Variants in KDM2A observed in about 807,000 individuals in gnomAD.
KDM2A encodes the protein lysine-specific demethylase 2A.
KDM2A carries 3 observed loss-of-function variants against 137.3 expected under a neutral mutation model. The ratio of observed to expected loss-of-function variants is 0.02; its 90% CI spans 0.01 to 0.06. KDM2A has a LOEUF of 0.06. Ranked by LOEUF, KDM2A falls within the 10% of genes least tolerant of loss-of-function variation. The probability of loss-of-function intolerance (pLI) is 1.00; values close to 1 mark genes in which losing one functional copy is unlikely to be tolerated. For missense variants in KDM2A, 738 were observed against 1,510.6 expected, an observed-to-expected ratio of 0.49 and a Z score of 8.48; for synonymous variants, 512 against 541.5, an observed-to-expected ratio of 0.95 and a Z score of 0.76.
In KDM2A at chr11:67,154,423, G is replaced by GTTTC. The variant is rs563643179; in HGVS notation, c.43-25636_43-25633dup. On this transcript the variant is annotated intron_variant, in intron 2 of 20. Coordinates refer to ENST00000529006, the MANE Select transcript of KDM2A (RefSeq NM_012308.3). ...CTCTATGGATTTACCTATTCTGGGTGTTTCTTTCTTTCTTTCTTTCTTTTT... is the reference window on the plus strand; with the variant it reads ...CTCTATGGATTTACCTATTCTGGGTGTTTCTTTCTTTCTTTCTTTCTTTCTTTTT... Among the ~76,000 whole-genome samples, 736 of 152,048 alleles carry GTTTC rather than the reference G, an allele frequency of 4.8e-3. 3 individuals are homozygous for GTTTC. The highest frequency in any genetic ancestry group is 0.015 in the African/African-American group (641 of 41,492).
chr11:67,140,927 A>G (rs1183488430), intron 2 of KDM2A, among the ~76,000 whole-genome samples: 1 of 152,184 alleles, frequency 6.6e-6, no homozygotes, highest in Non-Finnish European at 1.5e-5. Flanking sequence ...TTTATTAGGT[A>G]GAACTAGTTT....
chr11:67,253,351 C>G (rs1197207006), intron 18 of KDM2A, 102 bp from the exon 19 acceptor site: 7 of 994,184 alleles, frequency 7.0e-6, no homozygotes, highest in Non-Finnish European at 9.2e-6. Flanking sequence ...TAGTCCTTCT[C>G]TCCTATTAGA....
rs1859440265 is a variant in KDM2A at position 67,251,917 on chromosome 11, G to GT, written c.2769-773dup. On this transcript the variant is annotated intron_variant, in intron 17 of 20. Transcript: ENST00000529006. ...TAGGACTGCTTGGCTCTACCTCTTGGTTTTCAGGGCAAGGCACATCAGATT... is the reference window on the plus strand; with the variant it reads ...TAGGACTGCTTGGCTCTACCTCTTGGTTTTTCAGGGCAAGGCACATCAGATT... Among the ~76,000 whole-genome samples the GT allele has an allele frequency of 1.3e-5, 2 of 152,114 alleles. 1 individual carries two copies. Among genetic ancestry groups the GT allele is most frequent in the South Asian group, 4.1e-4 (2 of 4,830 alleles).
chr11:67,254,237 C>T lies in KDM2A; in HGVS notation c.3126C>T (p.Thr1042=), dbSNP rs765696393. Residue 1042 remains threonine (T), a synonymous_variant, in exon 20 of 21, where the codon ACC becomes ACT. Transcript: ENST00000529006. This position sits in a 1 kb window ranked among gnomAD's most constrained non-coding sequence, Gnocchi z 4.7. ...ATCGCAGCAAGCTCCGGAACATGAC[C>T]GACTTCCGGCTGGCAGGCCTTGACA... The part of the protein sequence containing the change: ...QDNRSKLRNM[T]DFRLAGLDIT... 28 of 1,614,012 alleles carry T rather than the reference C, an allele frequency of 1.7e-5. No individual in the cohort carries two copies. The highest frequency in any genetic ancestry group is 2.7e-5 in the African/African-American group (2 of 75,056).
intron 5 of KDM2A, among the ~76,000 whole-genome samples, chr11:67,197,790 G>A (rs929935419): frequency 6.6e-6 from 1 of 152,108 alleles, no homozygotes; most frequent in African/African-American, 2.4e-5. Flanking sequence ...ACAGTGTCTG[G>A]CATATACAGT....
chr11:67,233,433 C>T (rs1381145817), intron 12 of KDM2A, among the ~76,000 whole-genome samples: 1 of 138,086 alleles, frequency 7.2e-6, no homozygotes, highest in Non-Finnish European at 1.5e-5. Flanking sequence ...GCAGGTAGAT[C>T]ACGAGGTCAG....
chr11:67,130,656 CTCTT>C (rs1164131179), intron 2 of KDM2A, among the ~76,000 whole-genome samples: 2 of 152,164 alleles, frequency 1.3e-5, no homozygotes, highest in Non-Finnish European at 2.9e-5. Context: ...GTAACGGACA[CTCTT>C]AATTAGGTTT....
intron 5 of KDM2A, among the ~76,000 whole-genome samples, chr11:67,206,032 T>C (rs901482515): frequency 6.6e-6 from 1 of 152,234 alleles, no homozygotes; most frequent in African/African-American, 2.4e-5. Flanking sequence ...CTTTATCGAC[T>C]TTAAATCTTC....
At chr11:67,173,585 T>G (rs949713155) in intron 2 of KDM2A, among the ~76,000 whole-genome samples, 1 of 150,910 alleles carries the variant, frequency 6.6e-6, no homozygotes, top group African/African-American at 2.4e-5. Flanking sequence ...AGAGACAGGT[T>G]TTGCCATGAA....
intron 2 of KDM2A, among the ~76,000 whole-genome samples, chr11:67,132,775 G>T (rs1056233394): frequency 2.0e-5 from 3 of 152,276 alleles, no homozygotes; most frequent in South Asian, 4.1e-4. Flanking sequence ...CATTAACTGA[G>T]TGTCTGGGAA....
intron 5 of KDM2A, among the ~76,000 whole-genome samples, chr11:67,193,049 C>T (rs1857394920): frequency 6.6e-6 from 1 of 151,816 alleles, no homozygotes; most frequent in East Asian, 1.9e-4. Context: ...GAGTGCAGTG[C>T]CGCGATCTCG....
chr11:67,238,510 C>T (rs576812831), intron 12 of KDM2A, among the ~76,000 whole-genome samples: 4 of 152,134 alleles, frequency 2.6e-5, no homozygotes, highest in African/African-American at 4.8e-5. Context: ...ATACAGTGTC[C>T]GGGAGAAGTT....
chr11:67,235,167 AGAAAG>A (rs1280890823), intron 12 of KDM2A, among the ~76,000 whole-genome samples: 1 of 151,640 alleles, frequency 6.6e-6, no homozygotes, highest in Admixed American at 6.6e-5. Flanking sequence ...AAAAGAAAAA[AGAAAG>A]GAAGTATTGC....
intron 8 of KDM2A, 64 bp downstream of exon 8, chr11:67,216,013 A>G (rs1467965237): frequency 4.3e-6 from 5 of 1,156,488 alleles, no homozygotes; most frequent in Non-Finnish European, 6.6e-6. Flanking sequence ...GCTTCAGTTC[A>G]TGTATACTTA....
At chr11:67,164,977 A>T (rs145708524) in intron 2 of KDM2A, among the ~76,000 whole-genome samples, 21 of 152,114 alleles carry the variant, frequency 1.4e-4, no homozygotes, top group Admixed American at 1.3e-3. Flanking sequence ...CGATGAAGAC[A>T]TAGTTTTCTC....
intron 2 of KDM2A, among the ~76,000 whole-genome samples, chr11:67,154,889 T>C (rs1590729958): frequency 6.6e-6 from 1 of 152,280 alleles, no homozygotes; most frequent in Non-Finnish European, 1.5e-5. Context: ...GTTGTATGGA[T>C]ATACCACATT....
At chr11:67,130,863 ATT>A (rs1202348419) in intron 2 of KDM2A, among the ~76,000 whole-genome samples, 16 of 142,330 alleles carry the variant, frequency 1.1e-4, no homozygotes, top group African/African-American at 2.6e-4. Flanking sequence ...TTAAACCTTG[ATT>A]TTTTTTTTTT....
At position 67,258,037 on chromosome 11, in the gene KDM2A, G is replaced by C. The variant is rs1372228241; in HGVS notation, c.*2982G>C. The C allele has an allele frequency of 1.3e-5, 2 of 151,950 alleles. No individual in the cohort carries two copies. Among genetic ancestry groups the C allele is most frequent in the East Asian group, 1.9e-4 (1 of 5,194 alleles). 9.4% of individuals were successfully genotyped at this position (151,950 alleles called of 1,614,324 possible). On this transcript the variant is annotated 3_prime_UTR_variant, in exon 21 of 21. Transcript: ENST00000529006. ...TAATTTAGGTTTTGTTTTTGTTTGG[G>C]GGTTTTTGTTTTTTTAAAAAAATAA...
In KDM2A at chr11:67,228,024, T is replaced by C. The variant is rs748688351; in HGVS notation, c.958-13T>C. 1 of 1,608,926 alleles carries C rather than the reference T, an allele frequency of 6.2e-7. No homozygotes were observed. The highest frequency in any genetic ancestry group is 8.5e-7 in the Non-Finnish European group (1 of 1,175,508). On this transcript the variant is annotated splice_polypyrimidine_tract_variant and intron_variant, in intron 10 of 20. Transcript: ENST00000529006. ...GAAAATCGTCATCTTTTCTCTATTTTATTCCTCTGTAGGTTCCAAATAAGT... is the reference window on the plus strand; with the variant it reads ...GAAAATCGTCATCTTTTCTCTATTTCATTCCTCTGTAGGTTCCAAATAAGT...
Sources: allele counts gnomAD v4.1 joint callset (sites outside exome capture counted in the v4.1 genomes callset), GRCh38; gene constraint gnomAD v4.1.1; non-coding constraint Gnocchi (gnomAD v3.1); transcripts MANE v1.5; gene names NCBI Gene and HGNC (gene_info 2026-07-23, HGNC 2026-07-21).